The following GFRA2 variants were observed in gnomAD, a reference collection of about 807,000 sequenced individuals.
The protein encoded by GFRA2 is GDNF family receptor alpha 2, also known as GDNF family receptor alpha-2.
In GFRA2, 17 loss-of-function variants were observed where a neutral mutation model predicts 48.3. The observed-to-expected ratio is 0.35, with a 90% confidence interval of 0.24 to 0.53. The LOEUF is 0.53. Among genes scored for constraint, GFRA2 ranks in the 20% least tolerant of loss-of-function variants. The pLI is 0.93. For missense variants in GFRA2, 660 were observed against 637.3 expected (o/e 1.04, Z -0.38); for synonymous variants, 305 against 257.2 (o/e 1.19, Z -1.78).
At chr8:21,770,182 C>G (rs1290225227) in intron 3 of GFRA2, among the ~76,000 whole-genome samples, 1 of 152,208 alleles carries the variant, frequency 6.6e-6, no homozygotes, top group Non-Finnish European at 1.5e-5. Context: ...AGCACTATCC[C>G]AGCGTGAAAG....
At chr8:21,757,303 A>G (rs1025647334) in intron 3 of GFRA2, among the ~76,000 whole-genome samples, 5 of 152,174 alleles carry the variant, frequency 3.3e-5, no homozygotes, top group Non-Finnish European at 7.4e-5. Context: ...CTGCACCACT[A>G]GGCTGTGATT....
intron 3 of GFRA2, among the ~76,000 whole-genome samples, chr8:21,752,913 A>G (rs1245119700): frequency 6.6e-6 from 1 of 151,772 alleles, no homozygotes; most frequent in African/African-American, 2.4e-5. Flanking sequence ...ACTTCTCACC[A>G]CCGCCACTGC....
chr8:21,734,041 A>G (rs747400163), intron 4 of GFRA2, among the ~76,000 whole-genome samples: 7 of 152,154 alleles, frequency 4.6e-5, no homozygotes, highest in Middle Eastern at 3.2e-3. Context: ...GAGAAAGGGG[A>G]CCGTGCTTTC....
chr8:21,789,112 T>TGGCGGTGGCGGC (rs1807435688), upstream of GFRA2: 1 of 167,112 alleles, frequency 6.0e-6, no homozygotes, highest in African/African-American at 2.4e-5. Context: ...GCGGTGGCGG[T>TGGCGGTGGCGGC]GGCGGTGGCG....
intron 4 of GFRA2, among the ~76,000 whole-genome samples, chr8:21,749,559 T>C (rs1206513815): frequency 2.6e-5 from 4 of 151,808 alleles, no homozygotes; most frequent in Non-Finnish European, 5.9e-5. Context: ...CATATCTCAA[T>C]ACAGAGTGAG....
At chr8:21,706,075 A>G (rs1245169839) in intron 4 of GFRA2, 34 bp from the exon 5 acceptor site, 8 of 1,382,410 alleles carry the variant, frequency 5.8e-6, no homozygotes, top group Non-Finnish European at 7.0e-6. Context: ...TAGAGAAAAC[A>G]GGGGTTCAGT....
chr8:21,732,720 G>T (rs912412545), intron 4 of GFRA2, among the ~76,000 whole-genome samples: 2 of 152,246 alleles, frequency 1.3e-5, no homozygotes, highest in East Asian at 3.8e-4. Flanking sequence ...TAGAGAGAAG[G>T]AACTTGAAGG....
At chr8:21,707,650 C>A (rs1179537703) in intron 4 of GFRA2, among the ~76,000 whole-genome samples, 1 of 152,168 alleles carries the variant, frequency 6.6e-6, no homozygotes, top group Non-Finnish European at 1.5e-5. Context: ...CACTGGGAGA[C>A]CATGCCCAAG....
chr8:21,801,827 C>T (rs370819445), intron 2 of GFRA2, among the ~76,000 whole-genome samples: 9 of 152,344 alleles, frequency 5.9e-5, no homozygotes, highest in African/African-American at 2.2e-4. Flanking sequence ...CCGCAGCCCT[C>T]GCCAAACTGT....
At chr8:21,795,438 G>C (rs1431269477) in intron 2 of GFRA2, among the ~76,000 whole-genome samples, 1 of 151,082 alleles carries the variant, frequency 6.6e-6, no homozygotes, top group Non-Finnish European at 1.5e-5. Flanking sequence ...TGTCACCTAG[G>C]CCGGAGTGCT....
intron 2 of GFRA2, among the ~76,000 whole-genome samples, chr8:21,795,080 G>C (rs1282639739): frequency 2.0e-5 from 3 of 152,190 alleles, no homozygotes; most frequent in Non-Finnish European, 2.9e-5. Context: ...CCATCTCAGG[G>C]AGTCCTGTAA....
intron 8 of GFRA2, among the ~76,000 whole-genome samples, chr8:21,693,946 TTCTCA>T (rs1383600059): frequency 1.3e-5 from 2 of 150,726 alleles, no homozygotes; most frequent in Non-Finnish European, 3.0e-5. Flanking sequence ...CTGCCTTTTC[TTCTCA>T]TCTAAGTTAC....
At chr8:21,752,695 T>A (rs1246634521) in intron 3 of GFRA2, among the ~76,000 whole-genome samples, 1 of 151,920 alleles carries the variant, frequency 6.6e-6, no homozygotes, top group Non-Finnish European at 1.5e-5. Flanking sequence ...AATACCCAAA[T>A]CTCACACTTG....
chr8:21,787,672 C>A (rs889607190), intron 1 of GFRA2, among the ~76,000 whole-genome samples: 1 of 152,194 alleles, frequency 6.6e-6, no homozygotes. Context: ...ACGACCGACT[C>A]GGGGAGCAGA....
At chr8:21,738,717 C>T (rs1042033925) in intron 4 of GFRA2, among the ~76,000 whole-genome samples, 1 of 152,132 alleles carries the variant, frequency 6.6e-6, no homozygotes, top group African/African-American at 2.4e-5. Context: ...ACTCCTCCTT[C>T]AAACCCAGCT....
At chr8:21,736,524 TCTCA>T (rs756437418) in intron 4 of GFRA2, among the ~76,000 whole-genome samples, 1 of 152,020 alleles carries the variant, frequency 6.6e-6, no homozygotes, top group Admixed American at 6.6e-5. Flanking sequence ...AGAGACAGGG[TCTCA>T]CTCTGTTGCT....
intron 6 of GFRA2, among the ~76,000 whole-genome samples, chr8:21,703,428 G>T (rs1802583239): frequency 6.6e-6 from 1 of 151,874 alleles, no homozygotes; most frequent in South Asian, 2.1e-4. Flanking sequence ...GCATGCAGGG[G>T]TCCCACATTC....
chr8:21,783,729 G>A (rs1318639287), intron 1 of GFRA2, among the ~76,000 whole-genome samples: 2 of 151,494 alleles, frequency 1.3e-5, no homozygotes, highest in African/African-American at 4.9e-5. Context: ...CCCTCCAATA[G>A]AAAATGCTTT....
chr8:21,798,891 G>A (rs1350399653), intron 2 of GFRA2, among the ~76,000 whole-genome samples: 1 of 152,170 alleles, frequency 6.6e-6, no homozygotes, highest in African/African-American at 2.4e-5. Context: ...AGCTCTTCTT[G>A]CACTCTGTTG....
Sources: allele counts gnomAD v4.1 joint callset (sites outside exome capture counted in the v4.1 genomes callset), GRCh38; gene constraint gnomAD v4.1.1; transcripts MANE v1.5; gene names NCBI Gene and HGNC (gene_info 2026-07-23, HGNC 2026-07-21).